Variants in PTPRD observed in about 807,000 individuals in gnomAD.
PTPRD encodes protein tyrosine phosphatase receptor type D, also known as receptor-type tyrosine-protein phosphatase delta.
PTPRD carries 34 observed loss-of-function variants against 214.5 expected under a neutral mutation model. The observed-to-expected ratio is 0.16, with a 90% CI of 0.12 to 0.21. PTPRD has a LOEUF of 0.21. Ranked by LOEUF, PTPRD falls within the 10% of genes least tolerant of loss-of-function variation. PTPRD has a pLI of 1.00. For missense variants in PTPRD, 2,545 were observed against 2,398.7 expected (o/e 1.06, Z -1.27); for synonymous variants, 1,128 against 845.7 (o/e 1.33, Z -5.79).
chr9:9,203,795 A>G (rs1469734999), intron 9 of PTPRD, among the ~76,000 whole-genome samples: 4 of 152,204 alleles, frequency 2.6e-5, no homozygotes, highest in African/African-American at 7.2e-5. Flanking sequence ...GCTTTATAGC[A>G]AAGAAAAAGG....
chr9:9,734,129 C>A (rs1013954466), intron 7 of PTPRD, among the ~76,000 whole-genome samples: 2 of 152,130 alleles, frequency 1.3e-5, no homozygotes, highest in African/African-American at 4.8e-5. Context: ...AACTTTTAAA[C>A]ACCCAATTTT....
Position 9,296,013 on chromosome 9 carries a change from T to A in PTPRD, c.-203+101436A>T, listed in dbSNP as rs187249285. ...TTACATGATACCTCAGGTTTTTTGT[T>A]TGTTTGTTTTGTTTTTGGTAATGAG... On this transcript the variant is annotated intron_variant, in intron 9 of 45. Transcript: ENST00000381196. Among the ~76,000 whole-genome samples the A allele has an allele frequency of 1.8e-4, 28 of 151,932 alleles. No homozygotes were observed. The Middle Eastern group carries it at 0.017, about 92-fold the overall frequency.
intron 11 of PTPRD, among the ~76,000 whole-genome samples, chr9:8,897,852 C>A (rs756492270): frequency 1.1e-4 from 16 of 152,148 alleles, no homozygotes; most frequent in Non-Finnish European, 1.8e-4. Flanking sequence ...GGCACTCCAA[C>A]TCTTTATTTA....
rs550339346 is a variant in PTPRD, at chr9:9,927,058, T to C, written c.-368+11449A>G. Among the ~76,000 whole-genome samples the C allele has an allele frequency of 2.0e-5, 3 of 152,218 alleles. No individual in the cohort carries two copies. In the South Asian group the frequency reaches 6.2e-4, roughly 31 times the overall value. On this transcript the variant is annotated intron_variant, in intron 5 of 45. Coordinates refer to ENST00000381196, the MANE Select transcript of PTPRD (RefSeq NM_002839.4). The stretch of plus-strand genomic sequence containing the variant: ...TTTATATGCCTTAGGAGATTAATTT[T>C]GCTTATTAGTTTTGTGATATTTAAG...
chr9:8,527,449 T>G, intron 15 of PTPRD, 96 bp from the exon 16 acceptor site: 1 of 1,044,360 alleles, frequency 9.6e-7, no homozygotes, highest in Non-Finnish European at 1.5e-6. Context: ...AAGCTTTATA[T>G]ACTAAATCAT....
chr9:10,279,996 C>G (rs1016615792), intron 3 of PTPRD, among the ~76,000 whole-genome samples: 1 of 152,130 alleles, frequency 6.6e-6, no homozygotes, highest in Non-Finnish European at 1.5e-5. Flanking sequence ...GGATCTCAGT[C>G]CCTTATGATG....
At chr9:9,575,717 C>CAAAAAAAAAAAAAAAAAAAAAAAAA (rs757614546) in intron 7 of PTPRD, among the ~76,000 whole-genome samples, 41 of 33,322 alleles carry the variant, frequency 1.2e-3, no homozygotes, top group Non-Finnish European at 1.7e-3. Context: ...AAGACTGTCT[C>CAAAAAAAAAAAAAAAAAAAAAAAAA]AAAAAAAAAA....
chr9:9,341,207 T>G (rs992384300), intron 9 of PTPRD, among the ~76,000 whole-genome samples: 2 of 152,146 alleles, frequency 1.3e-5, no homozygotes, highest in East Asian at 1.9e-4. Context: ...TCTGGTGTTT[T>G]TCCTGGCCCC....
chr9:9,934,173 A>T (rs2088110259), intron 5 of PTPRD, among the ~76,000 whole-genome samples: 1 of 148,648 alleles, frequency 6.7e-6, no homozygotes, highest in Non-Finnish European at 1.5e-5. Context: ...AAAGAACTAG[A>T]AAAGCAAGAG....
At chr9:9,617,129 T>A (rs1192112937) in intron 7 of PTPRD, among the ~76,000 whole-genome samples, 3 of 152,184 alleles carry the variant, frequency 2.0e-5, no homozygotes, top group Admixed American at 6.5e-5. Context: ...AAGAATAGAA[T>A]GCTTATTCTG....
intron 3 of PTPRD, among the ~76,000 whole-genome samples, chr9:10,257,242 G>C (rs970602854): frequency 6.6e-6 from 1 of 152,158 alleles, no homozygotes; most frequent in African/African-American, 2.4e-5. Flanking sequence ...AGAAAAGGTT[G>C]CCTATATCTG....
At chr9:8,864,647 C>T (rs1367359994) in intron 11 of PTPRD, among the ~76,000 whole-genome samples, 3 of 152,134 alleles carry the variant, frequency 2.0e-5, no homozygotes, top group South Asian at 2.1e-4. Context: ...TTGATTTTCA[C>T]GTTGCAGGGA....
intron 33 of PTPRD, 50 bp downstream of exon 33, chr9:8,460,361 A>C (rs1480682026): frequency 6.2e-7 from 1 of 1,603,718 alleles, no homozygotes; most frequent in South Asian, 1.1e-5. Flanking sequence ...TCAAGTCTTC[A>C]AAAATAAGGC....
intron 3 of PTPRD, among the ~76,000 whole-genome samples, chr9:10,184,691 C>T (rs140572436): frequency 8.6e-4 from 131 of 152,294 alleles, no homozygotes; most frequent in African/African-American, 3.1e-3. Context: ...AGTTTCTTTG[C>T]TGCTTTCACC....
chr9:8,355,411 A>G (rs1294946263), intron 39 of PTPRD, among the ~76,000 whole-genome samples: 1 of 128,552 alleles, frequency 7.8e-6, no homozygotes, highest in Non-Finnish European at 1.8e-5. Flanking sequence ...TCTCTTTTAG[A>G]ATATTTTGGT....
At chr9:8,801,977 C>T (rs1487580796) in intron 11 of PTPRD, among the ~76,000 whole-genome samples, 4 of 152,188 alleles carry the variant, frequency 2.6e-5, no homozygotes, top group African/African-American at 9.6e-5. Context: ...CTTACTTTAC[C>T]TCTCAATGAG....
intron 11 of PTPRD, among the ~76,000 whole-genome samples, chr9:8,843,485 T>C (rs1255977850): frequency 6.6e-6 from 1 of 152,172 alleles, no homozygotes; most frequent in Non-Finnish European, 1.5e-5. Context: ...TAATACAACT[T>C]AGTGCAACAC....
intron 9 of PTPRD, among the ~76,000 whole-genome samples, chr9:9,338,887 C>A (rs1355246591): frequency 6.6e-6 from 1 of 152,112 alleles, no homozygotes; most frequent in Admixed American, 6.6e-5. Context: ...ATTCCCCTCC[C>A]TGTGTCCATG....
At position 8,602,885 on chromosome 9, in the gene PTPRD, C is replaced by A. The variant is rs75417879; in HGVS notation, c.352+30432G>T. The stretch of plus-strand genomic sequence containing the variant: ...CCATCTCTATGCACCTGCATATACT[C>A]ATTCAACTAATTCATTCATCTGCAT... On this transcript the variant is annotated intron_variant, in intron 14 of 45. Transcript: ENST00000381196. Among the ~76,000 whole-genome samples the A allele has an allele frequency of 3.1e-3, 466 of 152,310 alleles. 3 individuals carry two copies. The highest frequency in any genetic ancestry group is 0.011 in the African/African-American group (448 of 41,584).
Sources: gnomAD v4.1 joint callset for allele counts (sites outside exome capture counted in the v4.1 genomes callset) on GRCh38, gnomAD v4.1.1 for gene constraint, MANE v1.5 for transcripts, NCBI Gene and HGNC (gene_info 2026-07-23, HGNC 2026-07-21) for gene names.